The following TAFA5 variants were observed in gnomAD, a reference collection of about 807,000 sequenced individuals.
TAFA5 encodes chemokine-like protein TAFA-5.
A neutral mutation model predicts 15.3 loss-of-function variants in TAFA5; 6 were observed. The observed-to-expected ratio is 0.39, with a 90% CI of 0.21 to 0.77. TAFA5 has a LOEUF of 0.77. Ranked by LOEUF, TAFA5 falls within the 30% of genes least tolerant of loss-of-function variation. TAFA5 has a pLI of 0.41. For missense variants in TAFA5, 161 were observed against 193.1 expected (o/e 0.83, Z 0.98); for synonymous variants, 103 against 80.7 (o/e 1.28, Z -1.48).
intron 3 of TAFA5, among the ~76,000 whole-genome samples, chr22:48,718,575 C>G (rs1192682421): frequency 6.6e-6 from 1 of 152,104 alleles, no homozygotes; most frequent in African/African-American, 2.4e-5. Flanking sequence ...CAGAGCACTC[C>G]CCAGAGTACC....
At chr22:48,603,236 T>G (rs1925039545) in intron 1 of TAFA5, among the ~76,000 whole-genome samples, 2 of 152,178 alleles carry the variant, frequency 1.3e-5, no homozygotes, top group Admixed American at 1.3e-4. Flanking sequence ...CTGCCTGTCC[T>G]CAGTTCCGGT....
intron 1 of TAFA5, among the ~76,000 whole-genome samples, chr22:48,623,118 C>T (rs565902298): frequency 1.3e-5 from 2 of 152,372 alleles, no homozygotes; most frequent in East Asian, 1.9e-4. Context: ...GCGGTGAGCA[C>T]AAACTCCAGC....
At chr22:48,676,874 C>T (rs1927990830) in intron 2 of TAFA5, among the ~76,000 whole-genome samples, 1 of 152,194 alleles carries the variant, frequency 6.6e-6, no homozygotes, top group African/African-American at 2.4e-5. Flanking sequence ...CCTCCCTGGA[C>T]ATTGCAAGTG....
chr22:48,700,402 G>C (rs1024940439), intron 2 of TAFA5, among the ~76,000 whole-genome samples: 1 of 152,170 alleles, frequency 6.6e-6, no homozygotes. Flanking sequence ...ACCCAGGTAC[G>C]ACTAGAGCTC....
chr22:48,507,433 G>A (rs4823789), intron 1 of TAFA5, among the ~76,000 whole-genome samples: 45,952 of 152,232 alleles, frequency 0.3, 7,773 homozygotes, highest in Middle Eastern at 0.47. Flanking sequence ...GCCCTGGGGG[G>A]CTGAGAAGTC....
At chr22:48,537,759 A>G (rs983742806) in intron 1 of TAFA5, among the ~76,000 whole-genome samples, 1 of 152,204 alleles carries the variant, frequency 6.6e-6, no homozygotes, top group African/African-American at 2.4e-5. Flanking sequence ...CCAGCAGCCT[A>G]GAAGGCCCCA....
chr22:48,696,821 G>A (rs990560430), intron 2 of TAFA5, among the ~76,000 whole-genome samples: 1 of 152,254 alleles, frequency 6.6e-6, no homozygotes, highest in Non-Finnish European at 1.5e-5. Flanking sequence ...GTGTGTGCAA[G>A]GCCTGGCCTG....
intron 1 of TAFA5, among the ~76,000 whole-genome samples, chr22:48,584,818 CGCAT>C (rs1253559494): frequency 6.7e-6 from 1 of 150,032 alleles, no homozygotes; most frequent in African/African-American, 2.5e-5. Context: ...ACAGCACACA[CGCAT>C]ACACACGTAT....
chr22:48,701,425 C>T (rs548202539), intron 2 of TAFA5, among the ~76,000 whole-genome samples: 9 of 152,334 alleles, frequency 5.9e-5, no homozygotes, highest in Admixed American at 3.9e-4. Flanking sequence ...CACCCAGGTG[C>T]TGTGGGCCGC....
At chr22:48,710,626 G>T (rs1414530665) in intron 3 of TAFA5, among the ~76,000 whole-genome samples, 1 of 152,226 alleles carries the variant, frequency 6.6e-6, no homozygotes, top group African/African-American at 2.4e-5. Context: ...TGCTCACCGT[G>T]TCAGCTCAGT....
At chr22:48,562,562 C>A (rs1450697508) in intron 1 of TAFA5, among the ~76,000 whole-genome samples, 5 of 152,200 alleles carry the variant, frequency 3.3e-5, no homozygotes, top group Admixed American at 3.3e-4. Flanking sequence ...GTCCTCCCCA[C>A]CAGGGTGAGC....
At chr22:48,532,097 G>A (rs1016779512) in intron 1 of TAFA5, among the ~76,000 whole-genome samples, 23 of 152,310 alleles carry the variant, frequency 1.5e-4, no homozygotes, top group African/African-American at 4.1e-4. Flanking sequence ...TGCCTCCTCC[G>A]GACGAGGAAC....
At chr22:48,553,289 G>A (rs768053062) in intron 1 of TAFA5, among the ~76,000 whole-genome samples, 1 of 152,164 alleles carries the variant, frequency 6.6e-6, no homozygotes, top group Non-Finnish European at 1.5e-5. Context: ...GGCTCTGTGC[G>A]ATGGACAGTG....
intron 1 of TAFA5, among the ~76,000 whole-genome samples, chr22:48,605,225 GTGATGGTAA>G (rs1182133279): frequency 6.9e-6 from 1 of 145,962 alleles, no homozygotes; most frequent in Non-Finnish European, 1.5e-5. Context: ...GGTGGTGATG[GTGATGGTAA>G]TGATGGTGAT....
chr22:48,634,518 CATTCACTT>C (rs1321823521), intron 1 of TAFA5, among the ~76,000 whole-genome samples: 7 of 120,340 alleles, frequency 5.8e-5, no homozygotes, highest in Non-Finnish European at 1.2e-4. Context: ...CTCATTCACT[CATTCACTT>C]ATTCACACAT....
chr22:48,569,379 T>C (rs1923507747), intron 1 of TAFA5, among the ~76,000 whole-genome samples: 1 of 152,192 alleles, frequency 6.6e-6, no homozygotes, highest in Non-Finnish European at 1.5e-5. Flanking sequence ...TGGCATCGAT[T>C]CAATAAACCG....
chr22:48,718,160 C>T (rs116966801), intron 3 of TAFA5, among the ~76,000 whole-genome samples: 8,094 of 152,228 alleles, frequency 0.053, 307 homozygotes, highest in Admixed American at 0.09. Flanking sequence ...GACAGGCAGG[C>T]GAGAGCCGAG....
At chr22:48,563,115 A>G (rs10483242) in intron 1 of TAFA5, among the ~76,000 whole-genome samples, 15,071 of 152,182 alleles carry the variant, frequency 0.099, 1,272 homozygotes, top group East Asian at 0.22. Context: ...TTTAGCAAAC[A>G]GTGCCGGCCG....
At chr22:48,546,596 G>A (rs1413473762) in intron 1 of TAFA5, 2 of 471,152 alleles carry the variant, frequency 4.2e-6, no homozygotes, top group Admixed American at 4.7e-5. Context: ...AGCGAGCTTT[G>A]GGGAATCCTA....
Sources: allele counts gnomAD v4.1 joint callset (sites outside exome capture counted in the v4.1 genomes callset), GRCh38; gene constraint gnomAD v4.1.1; transcripts MANE v1.5; gene names NCBI Gene and HGNC (gene_info 2026-07-23, HGNC 2026-07-21).